KIZ: variants seen among roughly 807,000 people sequenced by gnomAD.
The protein encoded by KIZ is kizuna centrosomal protein.
In KIZ, 68 loss-of-function variants were observed where a neutral mutation model predicts 79.6. The observed-to-expected ratio is 0.85, with a 90% confidence interval of 0.70 to 1.05. The LOEUF (loss-of-function observed/expected upper bound fraction) is 1.05. Ranked by LOEUF, KIZ falls within the 50% of genes least tolerant of loss-of-function variation. KIZ has a pLI of 0.00. For synonymous variants in KIZ, 280 were observed against 281.8 expected (o/e 0.99, Z 0.06); for missense variants, 797 against 800.4 (o/e 1.00, Z 0.05).
intron 9 of KIZ, chr20:21,218,577 G>T (rs953056136): frequency 2.6e-5 from 4 of 152,122 alleles, no homozygotes; most frequent in African/African-American, 9.7e-5. Context: ...TTTCAGCAAA[G>T]GAATTGTTTA....
chr20:21,175,859 T>C (rs1001300285), intron 6 of KIZ, among the ~76,000 whole-genome samples: 1 of 151,496 alleles, frequency 6.6e-6, no homozygotes, highest in Non-Finnish European at 1.5e-5. Flanking sequence ...TACCAAAAAA[T>C]ACAAAAATTA....
At chr20:21,169,483 A>G (rs1434855912) in intron 6 of KIZ, among the ~76,000 whole-genome samples, 1 of 152,236 alleles carries the variant, frequency 6.6e-6, no homozygotes, top group Non-Finnish European at 1.5e-5. Context: ...TATTGATGGG[A>G]GTGTAAACTA....
At chr20:21,231,052 G>T (rs2036817319) in intron 10 of KIZ, among the ~76,000 whole-genome samples, 1 of 152,156 alleles carries the variant, frequency 6.6e-6, no homozygotes. Flanking sequence ...AGTAAATTTG[G>T]CTGGGCACTG....
At chr20:21,152,446 T>C (rs2033165207) in intron 4 of KIZ, among the ~76,000 whole-genome samples, 1 of 152,124 alleles carries the variant, frequency 6.6e-6, no homozygotes, top group South Asian at 2.1e-4. Flanking sequence ...TATAGAAAAT[T>C]GGAGGTGCCT....
chr20:21,238,854 GTC>G (rs2037123889), intron 11 of KIZ, among the ~76,000 whole-genome samples: 1 of 152,172 alleles, frequency 6.6e-6, no homozygotes, highest in Admixed American at 6.5e-5. Flanking sequence ...CAGTTTCCCT[GTC>G]TCTTCCCATT....
At chr20:21,237,825 C>T (rs889087123) in intron 11 of KIZ, among the ~76,000 whole-genome samples, 3 of 151,978 alleles carry the variant, frequency 2.0e-5, no homozygotes, top group Non-Finnish European at 4.4e-5. Context: ...GGGCAGGCTT[C>T]GTTTCATTTA....
intron 12 of KIZ, chr20:21,244,569 C>T (rs533267309): frequency 2.2e-6 from 1 of 446,298 alleles, no homozygotes; most frequent in Admixed American, 4.1e-5. Context: ...TAATTATCAG[C>T]ACCCTGTATT....
In KIZ at chr20:21,180,501, G is replaced by C. The variant is rs558383140; in HGVS notation, c.1352+17342G>C. On this transcript the variant is annotated intron_variant, in intron 6 of 12. Transcript: ENST00000619189. ...GAGCATAGAGCCGACTTCAGCCTCT[G>C]TTGGGAAGGGAACCAGCAGTCAAGC... Among the ~76,000 whole-genome samples the C allele has an allele frequency of 5.3e-5, 8 of 152,228 alleles. No homozygotes were observed. The South Asian group carries it at 1.5e-3, about 28-fold the overall frequency.
intron 4 of KIZ, among the ~76,000 whole-genome samples, chr20:21,160,529 G>A (rs2033606520): frequency 6.6e-6 from 1 of 152,052 alleles, no homozygotes; most frequent in South Asian, 2.1e-4. Context: ...GCCTCCAGGT[G>A]TGCCATGTAC....
intron 11 of KIZ, among the ~76,000 whole-genome samples, chr20:21,234,821 A>G (rs1419596887): frequency 6.6e-6 from 1 of 152,026 alleles, no homozygotes; most frequent in Non-Finnish European, 1.5e-5. Context: ...CCTAGAGACA[A>G]TAATTATGAT....
chr20:21,141,956 A>G (rs2032570266), intron 3 of KIZ, among the ~76,000 whole-genome samples: 1 of 139,718 alleles, frequency 7.2e-6, no homozygotes, highest in Non-Finnish European at 1.5e-5. Context: ...TCTCCCTCTT[A>G]TCTCTCCCCT....
intron 8 of KIZ, among the ~76,000 whole-genome samples, chr20:21,215,070 A>G (rs942593221): frequency 1.3e-5 from 2 of 152,236 alleles, no homozygotes; most frequent in African/African-American, 4.8e-5. Context: ...TTTTCTCATA[A>G]TTGTAAACAT....
At chr20:21,237,597 C>A (rs1387769346) in intron 11 of KIZ, among the ~76,000 whole-genome samples, 5 of 152,124 alleles carry the variant, frequency 3.3e-5, no homozygotes, top group African/African-American at 1.2e-4. Context: ...CCGCGTATGA[C>A]CCACTATTTC....
intron 11 of KIZ, among the ~76,000 whole-genome samples, chr20:21,238,352 AGT>A (rs1555889304): frequency 1.3e-5 from 2 of 149,134 alleles, no homozygotes; most frequent in Non-Finnish European, 3.0e-5. Flanking sequence ...AGAGAGAGAG[AGT>A]GTGTGTGTGT....
At chr20:21,234,546 G>A (rs1199900485) in intron 11 of KIZ, among the ~76,000 whole-genome samples, 1 of 152,018 alleles carries the variant, frequency 6.6e-6, no homozygotes, top group Non-Finnish European at 1.5e-5. Context: ...TTTGCTGTTT[G>A]TGCTGGATTC....
intron 6 of KIZ, among the ~76,000 whole-genome samples, chr20:21,180,513 A>T (rs140207521): frequency 6.6e-6 from 1 of 152,074 alleles, no homozygotes; most frequent in African/African-American, 2.4e-5. Flanking sequence ...TGGGAAGGGA[A>T]CCAGCAGTCA....
At chr20:21,202,802 T>C (rs913032002) in intron 6 of KIZ, among the ~76,000 whole-genome samples, 1 of 152,202 alleles carries the variant, frequency 6.6e-6, no homozygotes, top group South Asian at 2.1e-4. Flanking sequence ...TTTTATACTT[T>C]TCTAAGTAAG....
intron 12 of KIZ, chr20:21,244,568 G>A: frequency 2.2e-6 from 1 of 450,982 alleles, no homozygotes; most frequent in Non-Finnish European, 3.9e-6. Flanking sequence ...TTAATTATCA[G>A]CACCCTGTAT....
chr20:21,170,590 G>A (rs988016436), intron 6 of KIZ, among the ~76,000 whole-genome samples: 11 of 151,796 alleles, frequency 7.2e-5, no homozygotes, highest in South Asian at 4.2e-4. Flanking sequence ...GGGTTTCACC[G>A]TGTTAGCCAG....
Sources: allele counts gnomAD v4.1 joint callset (sites outside exome capture counted in the v4.1 genomes callset), GRCh38; gene constraint gnomAD v4.1.1; transcripts MANE v1.5; gene names NCBI Gene and HGNC (gene_info 2026-07-23, HGNC 2026-07-21).